AGBL4: variants seen among roughly 807,000 people sequenced by gnomAD.
AGBL4 encodes cytosolic carboxypeptidase 6.
A neutral mutation model predicts 66.4 loss-of-function variants in AGBL4; 58 were observed. The observed-to-expected ratio is 0.87, with a 90% CI of 0.71 to 1.09. The LOEUF is 1.09. Ranked by LOEUF, AGBL4 falls within the 50% of genes least tolerant of loss-of-function variation. The pLI, the probability that AGBL4 is intolerant of heterozygous loss-of-function variation, is 0.00. For missense variants in AGBL4, 579 were observed against 631.0 expected (o/e 0.92, Z 0.88); for synonymous variants, 234 against 222.9 (o/e 1.05, Z -0.44).
intron 9 of AGBL4, among the ~76,000 whole-genome samples, chr1:48,626,313 T>C (rs1411564657): frequency 6.6e-6 from 1 of 152,216 alleles, no homozygotes; most frequent in East Asian, 1.9e-4. Flanking sequence ...TCCACTCACA[T>C]ATATTGGATC....
chr1:48,844,500 T>C (rs1570807041), intron 6 of AGBL4, among the ~76,000 whole-genome samples: 1 of 152,370 alleles, frequency 6.6e-6, no homozygotes, highest in East Asian at 1.9e-4. Context: ...TGAGCTCTCA[T>C]GTGCAAAGTC....
chr1:49,873,798 T>A (rs1358540198), intron 1 of AGBL4, among the ~76,000 whole-genome samples: 1 of 152,006 alleles, frequency 6.6e-6, no homozygotes, highest in Non-Finnish European at 1.5e-5. Context: ...AGGCGTGCCC[T>A]TTACCTTGGC....
intron 1 of AGBL4, among the ~76,000 whole-genome samples, chr1:49,868,443 T>C (rs935275309): frequency 2.7e-5 from 4 of 150,210 alleles, no homozygotes; most frequent in Admixed American, 6.6e-5. Flanking sequence ...TGGCACAGAA[T>C]AGAGAATTCA....
intron 1 of AGBL4, among the ~76,000 whole-genome samples, chr1:49,972,234 T>A (rs1165164591): frequency 2.6e-5 from 4 of 151,960 alleles, no homozygotes; most frequent in Non-Finnish European, 5.9e-5. Context: ...TAGATGCATA[T>A]ATTGCCTAGT....
chr1:49,478,591 AG>A (rs1027567926), intron 3 of AGBL4, among the ~76,000 whole-genome samples: 2 of 152,052 alleles, frequency 1.3e-5, no homozygotes, highest in African/African-American at 4.8e-5. Context: ...AAAATGCTAA[AG>A]GGATTACTTC....
chr1:49,661,084 C>A (rs1030363041), intron 3 of AGBL4, among the ~76,000 whole-genome samples: 1 of 151,960 alleles, frequency 6.6e-6, no homozygotes, highest in Admixed American at 6.6e-5. Context: ...ACCTGCATAT[C>A]CTGCACATGT....
intron 3 of AGBL4, among the ~76,000 whole-genome samples, chr1:49,625,254 C>A (rs932550084): frequency 6.6e-6 from 1 of 152,142 alleles, no homozygotes; most frequent in African/African-American, 2.4e-5. Flanking sequence ...AATCATAATG[C>A]CACTTATCAA....
chr1:48,739,300 G>A (rs1649547474), intron 6 of AGBL4, among the ~76,000 whole-genome samples: 1 of 152,192 alleles, frequency 6.6e-6, no homozygotes, highest in Non-Finnish European at 1.5e-5. Flanking sequence ...TATTTGACTA[G>A]ATGACTTCTG....
intron 3 of AGBL4, among the ~76,000 whole-genome samples, chr1:49,566,297 A>G (rs904014496): frequency 3.9e-5 from 6 of 151,980 alleles, no homozygotes; most frequent in African/African-American, 1.2e-4. Context: ...TCTTCTCTCA[A>G]TTCATCAAAG....
intron 5 of AGBL4, among the ~76,000 whole-genome samples, chr1:48,882,166 T>C (rs1189460345): frequency 6.6e-6 from 1 of 152,184 alleles, no homozygotes; most frequent in Non-Finnish European, 1.5e-5. Context: ...TCAGTCTTTA[T>C]GTCATGTGAA....
intron 3 of AGBL4, among the ~76,000 whole-genome samples, chr1:49,372,669 T>TTCTTTC (rs1557878744): frequency 2.5e-4 from 17 of 68,060 alleles, no homozygotes; most frequent in Admixed American, 1.5e-4. Flanking sequence ...CTTTCTTTCT[T>TTCTTTC]TCTTTCTTTC....
At chr1:49,618,537 T>G (rs1377670179) in intron 3 of AGBL4, among the ~76,000 whole-genome samples, 4 of 151,946 alleles carry the variant, frequency 2.6e-5, no homozygotes, top group African/African-American at 9.7e-5. Context: ...CTACCAGAGG[T>G]ACAAAGAGGA....
intron 3 of AGBL4, among the ~76,000 whole-genome samples, chr1:49,480,215 G>A (rs1167280701): frequency 1.3e-5 from 2 of 152,012 alleles, no homozygotes; most frequent in Non-Finnish European, 2.9e-5. Flanking sequence ...TCACCACATT[G>A]TCTTCCACAA....
intron 4 of AGBL4, among the ~76,000 whole-genome samples, chr1:49,191,205 C>T (rs1415246208): frequency 6.6e-6 from 1 of 152,200 alleles, no homozygotes; most frequent in Non-Finnish European, 1.5e-5. Context: ...GAAGTCTCCA[C>T]TTACAAAACA....
chr1:49,342,103 T>C (rs987635975), intron 3 of AGBL4, among the ~76,000 whole-genome samples: 14 of 152,104 alleles, frequency 9.2e-5, no homozygotes, highest in African/African-American at 2.9e-4. Context: ...CTGGCCTAAG[T>C]TGGTTTGTGT....
intron 3 of AGBL4, among the ~76,000 whole-genome samples, chr1:49,371,438 C>A (rs562797220): frequency 1.3e-5 from 2 of 152,196 alleles, no homozygotes; most frequent in African/African-American, 4.8e-5. Context: ...ATAGTTTGTA[C>A]TCAAGAAATA....
At chr1:49,833,703 C>T (rs1023072472) in intron 2 of AGBL4, among the ~76,000 whole-genome samples, 3 of 152,068 alleles carry the variant, frequency 2.0e-5, no homozygotes, top group African/African-American at 7.2e-5. Flanking sequence ...TGAAGAGGTC[C>T]TTCACGTCCG....
intron 3 of AGBL4, among the ~76,000 whole-genome samples, chr1:49,695,658 T>G (rs1356784543): frequency 1.3e-5 from 2 of 152,110 alleles, no homozygotes; most frequent in Non-Finnish European, 2.9e-5. Flanking sequence ...AAGTTTGTCC[T>G]TAAGAGGCTC....
intron 3 of AGBL4, among the ~76,000 whole-genome samples, chr1:49,688,678 T>A (rs1317159485): frequency 6.6e-6 from 1 of 152,222 alleles, no homozygotes; most frequent in Non-Finnish European, 1.5e-5. Flanking sequence ...TGTGTTAATT[T>A]ACATGCCCAC....
Sources: allele counts gnomAD v4.1 joint callset (sites outside exome capture counted in the v4.1 genomes callset), GRCh38; gene constraint gnomAD v4.1.1; transcripts MANE v1.5; gene names NCBI Gene and HGNC (gene_info 2026-07-23, HGNC 2026-07-21).